Variants in ZNF26 observed in about 807,000 individuals in gnomAD.
ZNF26 encodes zinc finger protein 26, also known as epididymis luminal protein 179.
ZNF26 carries 32 observed loss-of-function variants against 54.9 expected under a neutral mutation model. The ratio of observed to expected loss-of-function variants is 0.58; its 90% CI spans 0.44 to 0.78. The LOEUF is 0.78. ZNF26 is among the 30% of genes least tolerant of loss of function. The pLI, the probability that ZNF26 is intolerant of heterozygous loss-of-function variation, is 0.00. For missense variants in ZNF26, 524 were observed against 634.0 expected (o/e 0.83, Z 1.86); for synonymous variants, 221 against 209.2 (o/e 1.06, Z -0.49).
In ZNF26 at chr12:133,024,056, AAAT is replaced by A. The variant is rs1201697716; in HGVS notation, c.*12581_*12583del. Reference sequence around the variant, plus strand: ...ATCCCTGACAAACAGGAACCATCAGAAATAATAACGTCTTTGTTGCTATTTGTG... The same window carrying A: ...ATCCCTGACAAACAGGAACCATCAGAAATAACGTCTTTGTTGCTATTTGTG... On this transcript the variant is annotated 3_prime_UTR_variant, in exon 4 of 4. Coordinates refer to ENST00000328654, the MANE Select transcript of ZNF26 (RefSeq NM_019591.4). 6.6e-6 allele frequency: 1 copy of A among 152,212 alleles called. No individual in the cohort carries two copies. Among genetic ancestry groups the A allele is most frequent in the Non-Finnish European group, 1.5e-5 (1 of 68,040 alleles). The allele number at this position is 152,212 out of a possible 1,614,324, so 9.4% of individuals were successfully genotyped here.
rs1953685018 is a variant in ZNF26, at chr12:133,025,044, CAGAG to C, written c.*13566_*13569del. ...ATTTTATGAAAAACCATGGATGACT[CAGAG>C]AGCAGAACTAAGATCCAGAGGGTAG... On this transcript the variant is annotated 3_prime_UTR_variant, in exon 4 of 4. Transcript: ENST00000328654. 6.6e-6 allele frequency: 1 copy of C among 152,136 alleles called. No individual in the cohort carries two copies. Among genetic ancestry groups the C allele is most frequent in the South Asian group, 2.1e-4 (1 of 4,820 alleles). The allele number at this position is 152,136 out of a possible 1,614,324, so 9.4% of individuals were successfully genotyped here. A position where few individuals can be genotyped will look rare whatever the true frequency, so the allele number is the denominator to read the frequency against.
At chr12:133,007,644 T>C in intron 3 of ZNF26, 112 bp downstream of exon 3, 3 of 698,168 alleles carry the variant, frequency 4.3e-6, no homozygotes, top group Non-Finnish European at 7.2e-6. Context: ...GTCCTTGAGC[T>C]ATTGGAGCTG....
At chr12:132,993,256 C>T (rs1377752295) in intron 1 of ZNF26, among the ~76,000 whole-genome samples, 1 of 151,882 alleles carries the variant, frequency 6.6e-6, no homozygotes, top group East Asian at 1.9e-4. Context: ...AACTTCTGAC[C>T]TCAAGTGATC....
Position 133,011,229 on chromosome 12 carries a change from T to C in ZNF26, c.1350T>C (p.Thr450=). The change falls in exon 4 of 4, where the codon ACT becomes ACC. Residue 450 remains threonine, a synonymous_variant. Transcript: ENST00000328654. ...QLIIHQRTHS[T]EKPYECNECE... is the part of the protein sequence containing the mutation. ...TTATACATCAGAGAACTCATTCAACTGAGAAGCCCTATGAATGCAATGAAT... is the reference window on the plus strand; with the variant it reads ...TTATACATCAGAGAACTCATTCAACCGAGAAGCCCTATGAATGCAATGAAT... 6.2e-7 allele frequency: 1 copy of C among 1,614,086 alleles called. No individual in the cohort carries two copies. Among genetic ancestry groups the C allele is most frequent in the Non-Finnish European group, 8.5e-7 (1 of 1,179,988 alleles).
In ZNF26 at chr12:132,986,503, C is replaced by G. The variant is rs1348382754; in HGVS notation, c.-338C>G. On this transcript the variant is annotated 5_prime_UTR_variant, in exon 1 of 4. Transcript: ENST00000328654. ...GCGGAGCTAAGCGGCTCGGATTATCCTGGGCAGACCAGAGACTTGACCAGC... is the reference window on the plus strand; with the variant it reads ...GCGGAGCTAAGCGGCTCGGATTATCGTGGGCAGACCAGAGACTTGACCAGC... 1 of 409,292 alleles carries G rather than the reference C, an allele frequency of 2.4e-6. No individual in the cohort carries two copies. The highest frequency in any genetic ancestry group is 2.0e-5 in the African/African-American group (1 of 49,422). 25.4% of individuals were successfully genotyped at this position (409,292 alleles called of 1,614,324 possible).
At chr12:132,996,405 A>G (rs1451605874) in intron 1 of ZNF26, among the ~76,000 whole-genome samples, 2 of 152,180 alleles carry the variant, frequency 1.3e-5, no homozygotes, top group African/African-American at 2.4e-5. Context: ...TCGCAATTTT[A>G]GTTTGTTTAG....
At chr12:133,000,124 T>C (rs1953178309) in intron 1 of ZNF26, among the ~76,000 whole-genome samples, 1 of 152,214 alleles carries the variant, frequency 6.6e-6, no homozygotes, top group Non-Finnish European at 1.5e-5. Flanking sequence ...TCTTGTGAAA[T>C]TTTAAATCTC....
In ZNF26 at chr12:133,010,698, T is replaced by G. The variant is rs1243781182; in HGVS notation, c.819T>G (p.Leu273=). The part of the protein sequence containing the change: ...CGKAYSWKSQ[L]LLHQRSHTGV... ...AAGCCTACAGTTGGAAATCACAGCT[T>G]CTTTTACACCAGAGAAGTCACACAG... The change falls in exon 4 of 4, where the codon CTT becomes CTG. Residue 273 remains leucine, a synonymous_variant. Coordinates refer to ENST00000328654, the MANE Select transcript of ZNF26 (RefSeq NM_019591.4). 14 of 1,613,092 alleles carry G rather than the reference T, an allele frequency of 8.7e-6. No individual in the cohort carries two copies. Among genetic ancestry groups the G allele is most frequent in the South Asian group, 4.4e-5 (4 of 91,058 alleles).
Position 133,015,988 on chromosome 12 carries a change from A to G in ZNF26, c.*4507A>G, listed in dbSNP as rs1369706347. 1 of 152,046 alleles carries G rather than the reference A, an allele frequency of 6.6e-6. No homozygotes were observed. The highest frequency in any genetic ancestry group is 6.6e-5 in the Admixed American group (1 of 15,252). 9.4% of individuals were successfully genotyped at this position (152,046 alleles called of 1,614,324 possible). A position where few individuals can be genotyped will look rare whatever the true frequency, so the allele number is the denominator to read the frequency against. ...ATATATCTTCATTTGTCTTGGGGGT[A>G]AGTGTTGAGAGAAGGAAGTGGCTTT... On this transcript the variant is annotated 3_prime_UTR_variant, in exon 4 of 4. Coordinates refer to ENST00000328654, the MANE Select transcript of ZNF26 (RefSeq NM_019591.4).
chr12:133,006,963 C>T (rs1953345770), intron 1 of ZNF26, 79 bp from the exon 2 acceptor site: 1 of 1,483,210 alleles, frequency 6.7e-7, no homozygotes, highest in Admixed American at 1.7e-5. Flanking sequence ...GAACATTTAT[C>T]CCTTCCCAGT....
chr12:132,995,933 T>C (rs1410772606), intron 1 of ZNF26, among the ~76,000 whole-genome samples: 1 of 152,198 alleles, frequency 6.6e-6, no homozygotes, highest in Non-Finnish European at 1.5e-5. Context: ...ATTACAGGGG[T>C]GAGCCACCAT....
At chr12:133,007,409 C>T in intron 2 of ZNF26, 28 bp from the exon 3 acceptor site, 1 of 1,586,290 alleles carries the variant, frequency 6.3e-7, no homozygotes. Flanking sequence ...CAGCCTGGTC[C>T]CCACCCTTTG....
In ZNF26 at chr12:133,021,241, C is replaced by G. The variant is rs1380225296; in HGVS notation, c.*9760C>G. The G allele has an allele frequency of 7.9e-5, 12 of 151,568 alleles. No individual in the cohort carries two copies. The highest frequency in any genetic ancestry group is 2.9e-4 in the African/African-American group (12 of 41,344). The allele number at this position is 151,568 out of a possible 1,614,324, so 9.4% of individuals were successfully genotyped here. ...TCAAGTGATTCTCCAGCCTCAGCCT[C>G]CTGGGTTCAAGTGATTCTCCAGCCT... is the stretch of plus-strand genomic sequence containing the variant. On this transcript the variant is annotated 3_prime_UTR_variant, in exon 4 of 4. Transcript: ENST00000328654.
intron 1 of ZNF26, among the ~76,000 whole-genome samples, chr12:132,989,933 C>T (rs935066652): frequency 6.6e-6 from 1 of 152,022 alleles, no homozygotes; most frequent in Non-Finnish European, 1.5e-5. Context: ...TGAGAAAGAC[C>T]CTTGTTCCTA....
At position 133,001,604 on chromosome 12, in the gene ZNF26, C is replaced by T. The variant is rs1953220678; in HGVS notation, c.34-5438C>T. The T allele has an allele frequency of 6.4e-6, 8 of 1,250,888 alleles. No homozygotes were observed. The highest frequency in any genetic ancestry group is 1.5e-5 in the African/African-American group (1 of 65,026). 77.5% of individuals were successfully genotyped at this position (1,250,888 alleles called of 1,614,324 possible). On this transcript the variant is annotated intron_variant, in intron 1 of 3. Transcript: ENST00000328654. The surrounding 1 kb of genome is among the most constrained non-coding windows in gnomAD (Gnocchi z 4.7). ...ACTCACCCAGAAGTCCACTCACTGC[C>T]TCTTCCCCTGGGGTCTCCCTCCCTG... is the stretch of plus-strand genomic sequence containing the variant.
intron 1 of ZNF26, chr12:133,006,277 C>T: frequency 2.0e-6 from 2 of 985,424 alleles, no homozygotes; most frequent in Admixed American, 6.1e-5. Flanking sequence ...GAAGGATAAA[C>T]TCTCTTGTTT....
rs1953651769 is a variant in ZNF26 at position 133,022,151 on chromosome 12, G to A, written c.*10670G>A. 6.6e-6 allele frequency: 1 copy of A among 151,978 alleles called. No individual in the cohort carries two copies. The highest frequency in any genetic ancestry group is 1.5e-5 in the Non-Finnish European group (1 of 67,998). 9.4% of individuals were successfully genotyped at this position (151,978 alleles called of 1,614,324 possible). A position where few individuals can be genotyped will look rare whatever the true frequency, so the allele number is the denominator to read the frequency against. On this transcript the variant is annotated 3_prime_UTR_variant, in exon 4 of 4. Coordinates refer to ENST00000328654, the MANE Select transcript of ZNF26 (RefSeq NM_019591.4). ...GAGTATCACTTGAACTCGAAAGGTG[G>A]AGGTTGCAGTGAGCCGGGATCACAT...
At chr12:132,996,955 C>G (rs1953098988) in intron 1 of ZNF26, among the ~76,000 whole-genome samples, 1 of 152,114 alleles carries the variant, frequency 6.6e-6, no homozygotes, top group Admixed American at 6.6e-5. Context: ...GACTTAAGAA[C>G]AGAAGCCATG....
At position 133,025,668 on chromosome 12, in the gene ZNF26, G is replaced by C. The variant is rs1953694191; in HGVS notation, c.*14187G>C. On this transcript the variant is annotated 3_prime_UTR_variant, in exon 4 of 4. Coordinates refer to ENST00000328654, the MANE Select transcript of ZNF26 (RefSeq NM_019591.4). ...AGAATGCAGCAGAAATAGGCCAGGT[G>C]CAGTGGCTCATACCTGTAATCCCAG... 6.6e-6 allele frequency: 1 copy of C among 152,272 alleles called. No individual in the cohort carries two copies. Among genetic ancestry groups the C allele is most frequent in the African/African-American group, 2.4e-5 (1 of 41,448 alleles). The allele number at this position is 152,272 out of a possible 1,614,324, so 9.4% of individuals were successfully genotyped here.
Sources: gnomAD v4.1 joint callset for allele counts (sites outside exome capture counted in the v4.1 genomes callset) on GRCh38, gnomAD v4.1.1 for gene constraint, Gnocchi (gnomAD v3.1) non-coding constraint, MANE v1.5 for transcripts, NCBI Gene and HGNC (gene_info 2026-07-23, HGNC 2026-07-21) for gene names.